The following RORA variants were observed in gnomAD, a reference collection of about 807,000 sequenced individuals.
RORA encodes the protein RAR related orphan receptor A.
RORA carries 7 observed loss-of-function variants against 69.5 expected under a neutral mutation model. That is an observed-to-expected ratio of 0.10 (90% CI 0.06 to 0.19). The LOEUF is 0.19. Among genes scored for constraint, RORA ranks in the 10% least tolerant of loss-of-function variants. The pLI, the probability that RORA is intolerant of heterozygous loss-of-function variation, is 1.00. For synonymous variants in RORA, 261 were observed against 240.8 expected (o/e 1.08, Z -0.78); for missense variants, 457 against 663.0 (o/e 0.69, Z 3.41).
At chr15:60,619,556 A>C (rs1202448798) in intron 2 of RORA, among the ~76,000 whole-genome samples, 1 of 152,224 alleles carries the variant, frequency 6.6e-6, no homozygotes, top group Non-Finnish European at 1.5e-5. Context: ...CAACTGAGAA[A>C]TTTAGTAGTA....
chr15:61,035,392 T>G (rs1896404563), intron 1 of RORA, among the ~76,000 whole-genome samples: 1 of 152,184 alleles, frequency 6.6e-6, no homozygotes, highest in African/African-American at 2.4e-5. Context: ...TAGGAGAGTT[T>G]TTAATCTAAC....
chr15:61,108,648 T>G (rs1231802966), intron 1 of RORA, among the ~76,000 whole-genome samples: 1 of 152,190 alleles, frequency 6.6e-6, no homozygotes, highest in Non-Finnish European at 1.5e-5. Context: ...ACCACTAAAA[T>G]GCACAGTATC....
chr15:60,968,681 T>TA lies in RORA; in HGVS notation c.166+260371dup, dbSNP rs397821913. 4.6e-5 allele frequency among the ~76,000 whole-genome samples: 7 copies of TA among 152,122 alleles called. No individual in the cohort carries two copies. In the South Asian group the frequency reaches 6.2e-4, roughly 14 times the overall value. On this transcript the variant is annotated intron_variant, in intron 1 of 10. Transcript: ENST00000335670. Reference sequence around the variant, plus strand: ...ACAACATAAATCTTTTTTTTTTTTTTATTAACTGAGCCATTTGAGAGTAAT... The same window carrying TA: ...ACAACATAAATCTTTTTTTTTTTTTTAATTAACTGAGCCATTTGAGAGTAAT...
intron 1 of RORA, among the ~76,000 whole-genome samples, chr15:60,998,345 G>C (rs1361007176): frequency 6.6e-6 from 1 of 151,386 alleles, no homozygotes; most frequent in African/African-American, 2.4e-5. Context: ...TTTAAAAAAA[G>C]CATTATAGAG....
At chr15:61,154,430 T>C (rs2079424752) in intron 1 of RORA, among the ~76,000 whole-genome samples, 1 of 151,902 alleles carries the variant, frequency 6.6e-6, no homozygotes, top group Non-Finnish European at 1.5e-5. Context: ...ATACAATTAC[T>C]AAGAACTGTG....
chr15:61,039,511 C>T (rs940891566), intron 1 of RORA, among the ~76,000 whole-genome samples: 6 of 151,700 alleles, frequency 4.0e-5, no homozygotes, highest in African/African-American at 1.5e-4. Context: ...GTCATGAGTT[C>T]GAGGCAGGCA....
intron 7 of RORA, 23 bp downstream of exon 7, chr15:60,503,512 A>AAAT: frequency 3.7e-6 from 6 of 1,613,304 alleles, no homozygotes; most frequent in Non-Finnish European, 5.1e-6. Context: ...AGAGATCTCA[A>AAAT]AATTCACTTG....
chr15:60,519,122 A>T (rs144911041), intron 3 of RORA, among the ~76,000 whole-genome samples: 36 of 152,228 alleles, frequency 2.4e-4, no homozygotes, highest in African/African-American at 8.4e-4. Flanking sequence ...AGTATCTAAA[A>T]GGTTCGCAGT....
chr15:61,067,121 T>C (rs1231425322), intron 1 of RORA, among the ~76,000 whole-genome samples: 1 of 150,590 alleles, frequency 6.6e-6, no homozygotes, highest in Non-Finnish European at 1.5e-5. Flanking sequence ...TTTCTTTTTT[T>C]TTTTTTTTGA....
At chr15:60,853,213 C>T (rs973772812) in intron 1 of RORA, among the ~76,000 whole-genome samples, 7 of 152,230 alleles carry the variant, frequency 4.6e-5, no homozygotes, top group Admixed American at 3.3e-4. Context: ...GCCACCCACT[C>T]TTGGCCTAAA....
chr15:61,056,601 C>T (rs138789727), intron 1 of RORA, among the ~76,000 whole-genome samples: 142 of 152,308 alleles, frequency 9.3e-4, no homozygotes, highest in African/African-American at 3.4e-3. Flanking sequence ...ATGGACCATC[C>T]TTCAATCTGG....
At chr15:61,070,476 T>C (rs530990046) in intron 1 of RORA, among the ~76,000 whole-genome samples, 3 of 152,244 alleles carry the variant, frequency 2.0e-5, no homozygotes, top group East Asian at 1.9e-4. Context: ...CTGTAGACCC[T>C]GGCCTAAACT....
chr15:60,951,906 T>G (rs1470512171), intron 1 of RORA, among the ~76,000 whole-genome samples: 1 of 149,600 alleles, frequency 6.7e-6, no homozygotes. Flanking sequence ...TTCCAATCAA[T>G]AGAAAAAGAG....
At chr15:60,579,721 C>A (rs1352616393) in intron 2 of RORA, among the ~76,000 whole-genome samples, 1 of 152,140 alleles carries the variant, frequency 6.6e-6, no homozygotes, top group Admixed American at 6.5e-5. Context: ...TTAGTAGTGT[C>A]CTCAGAAATA....
chr15:60,616,310 T>G (rs2069242633), intron 2 of RORA, among the ~76,000 whole-genome samples: 2 of 152,306 alleles, frequency 1.3e-5, no homozygotes, highest in South Asian at 4.1e-4. Flanking sequence ...GTCTTCAGTG[T>G]GTGTGAGACT....
chr15:60,793,017 C>G (rs2072439465), intron 1 of RORA, among the ~76,000 whole-genome samples: 1 of 151,680 alleles, frequency 6.6e-6, no homozygotes, highest in Non-Finnish European at 1.5e-5. Context: ...ATCCCCACCA[C>G]TCCCTCAAAA....
chr15:60,531,298 A>G lies in RORA; in HGVS notation c.282+468T>C, dbSNP rs1261780519. The stretch of plus-strand genomic sequence containing the variant: ...AAAACAATATGGACAAGTGGAGGCA[A>G]TAGGACTGGAACTCAGGTCTTCCTG... On this transcript the variant is annotated intron_variant, in intron 3 of 10. Transcript: ENST00000335670. This position sits in a 1 kb window ranked among gnomAD's most constrained non-coding sequence, Gnocchi z 4.8. The G allele has an allele frequency of 6.2e-6, 1 of 160,208 alleles. No individual in the cohort carries two copies. Among genetic ancestry groups the G allele is most frequent in the African/African-American group, 2.4e-5 (1 of 41,514 alleles). 9.9% of individuals were successfully genotyped at this position (160,208 alleles called of 1,614,324 possible).
intron 1 of RORA, among the ~76,000 whole-genome samples, chr15:61,166,279 A>G (rs2079539099): frequency 6.6e-6 from 1 of 152,202 alleles, no homozygotes. Context: ...ACCAGTTTCT[A>G]CTAAATACCT....
chr15:60,708,727 C>A (rs78472389), intron 1 of RORA, among the ~76,000 whole-genome samples: 1 of 152,126 alleles, frequency 6.6e-6, no homozygotes, highest in East Asian at 1.9e-4. Context: ...CAGGGTATAG[C>A]GGCAATAGAG....
Sources: allele counts gnomAD v4.1 joint callset (sites outside exome capture counted in the v4.1 genomes callset), GRCh38; gene constraint gnomAD v4.1.1; non-coding constraint Gnocchi (gnomAD v3.1); transcripts MANE v1.5; gene names NCBI Gene and HGNC (gene_info 2026-07-23, HGNC 2026-07-21).